XYLT1: variants seen among roughly 807,000 people sequenced by gnomAD.
XYLT1 encodes the protein beta-D-xylosyltransferase 1.
A neutral mutation model predicts 91.3 loss-of-function variants in XYLT1; 36 were observed. That is an observed-to-expected ratio of 0.39 (90% CI 0.30 to 0.52). The LOEUF is 0.52. Among genes scored for constraint, XYLT1 ranks in the 20% least tolerant of loss-of-function variants. XYLT1 has a pLI of 0.68. For synonymous variants in XYLT1, 588 were observed against 532.0 expected (o/e 1.11, Z -1.45); for missense variants, 1,242 against 1,284.5 (o/e 0.97, Z 0.51).
intron 1 of XYLT1, among the ~76,000 whole-genome samples, chr16:17,361,312 G>A (rs925614683): frequency 2.6e-5 from 4 of 152,094 alleles, no homozygotes; most frequent in South Asian, 2.1e-4. Context: ...GTGCAGCCAC[G>A]CCCCGCCTAG....
intron 2 of XYLT1, among the ~76,000 whole-genome samples, chr16:17,281,265 T>C (rs561666680): frequency 3.3e-5 from 5 of 151,538 alleles, no homozygotes; most frequent in African/African-American, 9.7e-5. Flanking sequence ...TCTGCTTGGC[T>C]CCATGCAGCA....
At chr16:17,469,782 G>C (rs1307168037) in intron 1 of XYLT1, among the ~76,000 whole-genome samples, 2 of 152,182 alleles carry the variant, frequency 1.3e-5, no homozygotes, top group African/African-American at 4.8e-5. Context: ...ATGGGGAGGA[G>C]ATAAAGTCAC....
chr16:17,460,344 T>C (rs1318077873), intron 1 of XYLT1, among the ~76,000 whole-genome samples: 1 of 152,170 alleles, frequency 6.6e-6, no homozygotes, highest in Non-Finnish European at 1.5e-5. Context: ...GAATGCATGA[T>C]TCTATTTCTG....
In XYLT1 at chr16:17,117,810, A is replaced by C; in HGVS notation, c.2393T>G (p.Leu798Arg). 3.1e-6 allele frequency: 5 copies of C among 1,614,148 alleles called. No individual in the cohort carries two copies. Among genetic ancestry groups the C allele is most frequent in the Admixed American group, 1.7e-5 (1 of 60,020 alleles). ...TGTGAATTCGGCAGTGGACTCAATG[A>C]GGATGTCGTAGGTGGCTGCGATGAC... is the stretch of plus-strand genomic sequence containing the variant. ...VNVIAATYDI[L>R]IESTAEFTHY... Residue 798 changes from leucine (L) to arginine (R), a missense_variant, in exon 11 of 12, where the codon CTC (leucine) becomes CGC (arginine). Coordinates refer to ENST00000261381, the MANE Select transcript of XYLT1 (RefSeq NM_022166.4).
At position 17,117,790 on chromosome 16, in the gene XYLT1, A is replaced by T. The variant is rs1446613450; in HGVS notation, c.2413T>A (p.Phe805Ile). The change falls in exon 11 of 12, where the codon TTC (phenylalanine) becomes ATC (isoleucine). Residue 805 changes from phenylalanine (F) to isoleucine (I), a missense_variant. Phe to Ile is a conservative substitution (Grantham distance 21, BLOSUM62 0). This residue lies in a region of XYLT1 where 511 missense variants were observed against 497.0 expected (regional missense o/e 1.03). Coordinates refer to ENST00000261381, the MANE Select transcript of XYLT1 (RefSeq NM_022166.4). The stretch of plus-strand genomic sequence containing the variant: ...TTCAAAGGGGGCTTGTAGTGTGTGA[A>T]TTCGGCAGTGGACTCAATGAGGATG... Reference protein sequence around the residue: ...YDILIESTAEFTHYKPPLNLP... With the variant: ...YDILIESTAEITHYKPPLNLP... 2 of 1,614,156 alleles carry T rather than the reference A, an allele frequency of 1.2e-6. No individual in the cohort carries two copies. Among genetic ancestry groups the T allele is most frequent in the Admixed American group, 3.3e-5 (2 of 60,022 alleles).
rs778799191 is a variant in XYLT1 at position 17,141,281 on chromosome 16, T to C, written c.1459A>G (p.Ile487Val). The change falls in exon 7 of 12, where the codon ATT becomes GTT. Residue 487 changes from isoleucine to valine, a missense_variant. By Grantham distance (29) the Ile-to-Val change is conservative (BLOSUM62 3). Transcript: ENST00000261381. ...RLGDRRIPEG[I>V]AVDGGSDWFL... is the part of the protein sequence containing the mutation. ...CAGTCCGAACCGCCATCCACGGCAA[T>C]GCCCTCTGGGATCCGCCGATCTCCC... The C allele has an allele frequency of 1.9e-6, 3 of 1,614,188 alleles. No individual in the cohort carries two copies. The highest frequency in any genetic ancestry group is 1.3e-5 in the African/African-American group (1 of 75,042).
At chr16:17,416,126 G>A (rs1247891138) in intron 1 of XYLT1, among the ~76,000 whole-genome samples, 1 of 152,216 alleles carries the variant, frequency 6.6e-6, no homozygotes, top group Non-Finnish European at 1.5e-5. Flanking sequence ...GCACTCTGTA[G>A]AATAAGATGT....
At chr16:17,418,726 T>C (rs1040808247) in intron 1 of XYLT1, among the ~76,000 whole-genome samples, 2 of 152,102 alleles carry the variant, frequency 1.3e-5, no homozygotes, top group Non-Finnish European at 1.5e-5. Flanking sequence ...TGAATGCCTG[T>C]AGTCCCAGCT....
At chr16:17,465,555 TTGG>T (rs1441447749) in intron 1 of XYLT1, among the ~76,000 whole-genome samples, 23 of 68,116 alleles carry the variant, frequency 3.4e-4, no homozygotes, top group African/African-American at 1.7e-3. Flanking sequence ...GTGTTTTTTT[TTGG>T]GGGGGGGGGG....
intron 5 of XYLT1, among the ~76,000 whole-genome samples, chr16:17,170,993 A>G (rs2031808489): frequency 6.6e-6 from 1 of 152,146 alleles, no homozygotes; most frequent in South Asian, 2.1e-4. Context: ...TACCTTATAG[A>G]GTTGAAGATG....
chr16:17,221,276 C>T (rs544347322), intron 3 of XYLT1, among the ~76,000 whole-genome samples: 1 of 152,184 alleles, frequency 6.6e-6, no homozygotes, highest in Non-Finnish European at 1.5e-5. Context: ...AATGCATACA[C>T]ACTGACCCTG....
intron 3 of XYLT1, among the ~76,000 whole-genome samples, chr16:17,208,660 C>T (rs574800260): frequency 2.0e-4 from 30 of 152,244 alleles, no homozygotes; most frequent in African/African-American, 6.7e-4. Context: ...TTCTGGATTT[C>T]GGAGTACTTC....
chr16:17,335,642 C>G (rs560279598), intron 2 of XYLT1, among the ~76,000 whole-genome samples: 1 of 148,128 alleles, frequency 6.8e-6, no homozygotes, highest in African/African-American at 2.5e-5. Flanking sequence ...TGCAGTGAGC[C>G]GAGATAGCGT....
At chr16:17,114,629 T>C (rs1168827717) in intron 11 of XYLT1, among the ~76,000 whole-genome samples, 1 of 152,202 alleles carries the variant, frequency 6.6e-6, no homozygotes, top group Non-Finnish European at 1.5e-5. Flanking sequence ...CTCCCCATGC[T>C]GTGTCCCCAT....
At chr16:17,348,966 G>C (rs1368371547) in intron 2 of XYLT1, among the ~76,000 whole-genome samples, 1 of 152,214 alleles carries the variant, frequency 6.6e-6, no homozygotes, top group Non-Finnish European at 1.5e-5. Context: ...GTAAGTCAAT[G>C]CAAAACCAGC....
intron 5 of XYLT1, among the ~76,000 whole-genome samples, chr16:17,171,827 C>CA (rs931950626): frequency 3.9e-5 from 6 of 152,090 alleles, no homozygotes; most frequent in African/African-American, 1.4e-4. Flanking sequence ...TTCAATTGTG[C>CA]AAAAATGGTT....
intron 8 of XYLT1, 46 bp from the exon 9 acceptor site, chr16:17,134,781 T>G (rs769786835): frequency 6.9e-6 from 11 of 1,601,676 alleles, no homozygotes; most frequent in Non-Finnish European, 9.4e-6. Context: ...CAGCGAGTGC[T>G]GGGGGTTGGG....
intron 2 of XYLT1, among the ~76,000 whole-genome samples, chr16:17,281,543 A>C (rs2034058721): frequency 6.6e-6 from 1 of 152,208 alleles, no homozygotes; most frequent in African/African-American, 2.4e-5. Flanking sequence ...AAATTCAAAC[A>C]AAAGGAAAAA....
At chr16:17,295,358 T>G (rs1275570582) in intron 2 of XYLT1, among the ~76,000 whole-genome samples, 3 of 151,714 alleles carry the variant, frequency 2.0e-5, no homozygotes, top group African/African-American at 4.9e-5. Flanking sequence ...TTTTGTTTTG[T>G]TTTGTTTTGT....
Sources: allele counts gnomAD v4.1 joint callset (sites outside exome capture counted in the v4.1 genomes callset), GRCh38; gene constraint gnomAD v4.1.1; regional missense constraint gnomAD v4.1.1; transcripts MANE v1.5; gene names NCBI Gene and HGNC (gene_info 2026-07-23, HGNC 2026-07-21).